ZNF273: variants seen among roughly 807,000 people sequenced by gnomAD.
ZNF273 encodes zinc finger protein 9.
In ZNF273, 11 loss-of-function variants were observed where a neutral mutation model predicts 14.9. The ratio of observed to expected loss-of-function variants is 0.74; its 90% CI spans 0.46 to 1.22. ZNF273 has a LOEUF of 1.22. ZNF273 is among the 50% of genes most tolerant of loss of function. The pLI is 0.00. For missense variants in ZNF273, 577 were observed against 660.6 expected (o/e 0.87, Z 1.39); for synonymous variants, 199 against 223.9 (o/e 0.89, Z 0.99).
intron 1 of ZNF273, among the ~76,000 whole-genome samples, chr7:64,907,157 T>A (rs903590699): frequency 4.6e-5 from 7 of 152,128 alleles, no homozygotes; most frequent in African/African-American, 1.7e-4. Context: ...GTTCAGCTGT[T>A]TTTTGTTTGT....
chr7:64,884,748 CTT>C (rs1342882087), intron 1 of ZNF273, among the ~76,000 whole-genome samples: 1 of 152,210 alleles, frequency 6.6e-6, no homozygotes, highest in African/African-American at 2.4e-5. Flanking sequence ...CACACAGACT[CTT>C]TCGGGAATGG....
intron 3 of ZNF273, among the ~76,000 whole-genome samples, chr7:64,921,605 CTTTT>C (rs752363426): frequency 5.2e-5 from 3 of 57,928 alleles, no homozygotes; most frequent in Admixed American, 2.6e-4. Context: ...CATGCTAATG[CTTTT>C]TTTTTTTTTT....
At chr7:64,909,835 G>GTTT (rs553163147) in intron 1 of ZNF273, among the ~76,000 whole-genome samples, 1 of 150,222 alleles carries the variant, frequency 6.7e-6, no homozygotes, top group African/African-American at 2.4e-5. Flanking sequence ...TGCAAGCATC[G>GTTT]TTTTTTTTTG....
rs145151051 is a variant in ZNF273 at position 64,906,438 on chromosome 7, A to C, written c.102+3019A>C. Reference sequence around the variant, plus strand: ...TTGAGGTATAAAATGTAAACACCTTAAAATGTCTTCCCCTTATATGATCAC... The same window carrying C: ...TTGAGGTATAAAATGTAAACACCTTCAAATGTCTTCCCCTTATATGATCAC... On this transcript the variant is annotated intron_variant, in intron 1 of 3. Coordinates refer to ENST00000476120, the MANE Select transcript of ZNF273 (RefSeq NM_021148.3). Among the ~76,000 whole-genome samples the C allele has an allele frequency of 2.8e-3, 425 of 152,316 alleles. 2 individuals carry two copies. Among genetic ancestry groups the C allele is most frequent in the African/African-American group, 9.3e-3 (388 of 41,574 alleles).
intron 1 of ZNF273, among the ~76,000 whole-genome samples, chr7:64,910,665 A>C (rs908111467): frequency 2.6e-5 from 4 of 151,678 alleles, no homozygotes; most frequent in African/African-American, 9.7e-5. Flanking sequence ...TTGGCTATTC[A>C]AGTTTTGTTT....
At chr7:64,884,269 C>A (rs1380917244), downstream of ZNF273, among the ~76,000 whole-genome samples, 3 of 152,106 alleles carry the variant, frequency 2.0e-5, no homozygotes, top group Admixed American at 6.5e-5. Context: ...ATTTTTTGCA[C>A]TTTACAGGAG....
At chr7:64,909,991 T>C (rs534412166) in intron 1 of ZNF273, among the ~76,000 whole-genome samples, 76 of 152,312 alleles carry the variant, frequency 5.0e-4, no homozygotes, top group African/African-American at 1.7e-3. Flanking sequence ...TGTCTTCTCT[T>C]GAAGAACATC....
intron 3 of ZNF273, among the ~76,000 whole-genome samples, chr7:64,926,222 A>C (rs1794762087): frequency 1.4e-5 from 2 of 144,510 alleles, no homozygotes; most frequent in African/African-American, 5.1e-5. Context: ...TTTCTTGACT[A>C]ATTCACTGGT....
At chr7:64,889,311 C>CT (rs11403780), downstream of ZNF273, 420,087 of 967,738 alleles carry the variant, frequency 0.43, 92,588 homozygotes, top group Non-Finnish European at 0.44. The surrounding 1 kb of genome is among the most constrained non-coding windows in gnomAD (Gnocchi z 4.2). Context: ...CCGCCGGTGC[C>CT]TGAGCCGTAC....
chr7:64,929,128 G>C lies in ZNF273; in HGVS notation c.*90G>C, dbSNP rs373600179. 13 of 638,764 alleles carry C rather than the reference G, an allele frequency of 2.0e-5. No homozygotes were observed. The highest frequency in any genetic ancestry group is 3.6e-5 in the South Asian group (1 of 27,658). The allele number at this position is 638,764 out of a possible 1,614,324, so 39.6% of individuals were successfully genotyped here. On this transcript the variant is annotated 3_prime_UTR_variant, in exon 4 of 4. Transcript: ENST00000476120. ...ATACTGGAGAAAACTCCCAGAAGTG[G>C]AGTTTTCCTTATTGCACAGGAAAGC...
At chr7:64,924,194 TC>T (rs1182686306) in intron 3 of ZNF273, 10 of 152,216 alleles carry the variant, frequency 6.6e-5, no homozygotes, top group African/African-American at 2.4e-4. Context: ...TAGAAAGTAA[TC>T]CATAAAATTT....
intron 1 of ZNF273, among the ~76,000 whole-genome samples, chr7:64,905,690 ATAG>A (rs1793064136): frequency 6.6e-6 from 1 of 152,230 alleles, no homozygotes; most frequent in African/African-American, 2.4e-5. Context: ...TAACTGAGGT[ATAG>A]TGTCTCCGAA....
At chr7:64,885,782 A>G (rs1476867311) in intron 1 of ZNF273, among the ~76,000 whole-genome samples, 2 of 152,228 alleles carry the variant, frequency 1.3e-5, no homozygotes, top group Non-Finnish European at 2.9e-5. Context: ...TGCTGGGGCC[A>G]CAGTGCCATT....
chr7:64,918,775 C>A (rs1255193530), intron 3 of ZNF273, among the ~76,000 whole-genome samples: 1 of 146,080 alleles, frequency 6.8e-6, no homozygotes, highest in African/African-American at 2.5e-5. Context: ...GGAGCATATT[C>A]TGTCTTATGC....
chr7:64,921,428 A>G (rs1377017104), intron 3 of ZNF273, among the ~76,000 whole-genome samples: 1 of 151,912 alleles, frequency 6.6e-6, no homozygotes, highest in Non-Finnish European at 1.5e-5. Flanking sequence ...CTTGATGTCT[A>G]CTATTATTAT....
the ZNF273 span, among the ~76,000 whole-genome samples, chr7:64,936,246 G>A: frequency 6.6e-6 from 1 of 152,114 alleles, no homozygotes; most frequent in Admixed American, 6.6e-5. Flanking sequence ...AAAACTGATG[G>A]GGGAACAAAT....
rs1562959220 is a variant in ZNF273 at position 64,912,846 on chromosome 7, T to TTTTTTTTTTTTTTTTTTTTTTTG, written c.103-4735_103-4734insTTTTTTTTTTTTTTTTTTTTTTG. 3.2e-4 allele frequency among the ~76,000 whole-genome samples: 31 copies of TTTTTTTTTTTTTTTTTTTTTTTG among 98,256 alleles called. 1 individual carries two copies. Among genetic ancestry groups the TTTTTTTTTTTTTTTTTTTTTTTG allele is most frequent in the Non-Finnish European group, 5.9e-4 (23 of 39,238 alleles). 64.5% of individuals were successfully genotyped at this position (98,256 alleles called of 152,430 possible). ...TTTTAGTTTTTTTTTTTTTTTTTTTTGAGATTGAGTTTCGCTCTGTCATCC... is the reference window on the plus strand; with the variant it reads ...TTTTAGTTTTTTTTTTTTTTTTTTTTTTTTTTTTTTTTTTTTTTTTTTGGAGATTGAGTTTCGCTCTGTCATCC... On this transcript the variant is annotated intron_variant, in intron 1 of 3. Coordinates refer to ENST00000476120, the MANE Select transcript of ZNF273 (RefSeq NM_021148.3).
chr7:64,931,821 A>T (rs1425231620), downstream of ZNF273, among the ~76,000 whole-genome samples: 1 of 152,186 alleles, frequency 6.6e-6, no homozygotes, highest in Non-Finnish European at 1.5e-5. Context: ...TCAGAAATGG[A>T]ATATATCAAT....
intron 1 of ZNF273, among the ~76,000 whole-genome samples, chr7:64,915,760 A>G (rs1026216455): frequency 2.6e-5 from 4 of 152,226 alleles, no homozygotes; most frequent in African/African-American, 9.6e-5. Flanking sequence ...GTTTCCAACA[A>G]GCTGGGGTCC....
Sources: gnomAD v4.1 joint callset for allele counts (sites outside exome capture counted in the v4.1 genomes callset) on GRCh38, gnomAD v4.1.1 for gene constraint, Gnocchi (gnomAD v3.1) non-coding constraint, MANE v1.5 for transcripts, NCBI Gene and HGNC (gene_info 2026-07-23, HGNC 2026-07-21) for gene names.